The following CHLSN variants were observed in gnomAD, a reference collection of about 807,000 sequenced individuals.
The protein encoded by CHLSN is protein cholesin.
the CHLSN span, among the ~76,000 whole-genome samples, chr7:990,727 G>A: frequency 6.6e-6 from 1 of 152,102 alleles, no homozygotes; most frequent in African/African-American, 2.4e-5. Context: ...AGCGAGTGCT[G>A]GCTTCACTAT....
At chr7:1,077,329 G>A in the CHLSN span, among the ~76,000 whole-genome samples, 2 of 152,154 alleles carry the variant, frequency 1.3e-5, no homozygotes, top group African/African-American at 4.8e-5. Context: ...CTAATTTTTT[G>A]TATTTTTAGC....
At chr7:1,009,910 G>C in the CHLSN span, 2 of 1,473,536 alleles carry the variant, frequency 1.4e-6, no homozygotes, top group Non-Finnish European at 1.8e-6. Context: ...GGGTTGAGAC[G>C]CACGTCCGGG....
At chr7:987,447 G>T in the CHLSN span, 1 of 1,583,270 alleles carries the variant, frequency 6.3e-7, no homozygotes. Context: ...TGCTCCACGA[G>T]GTGCAGCGGT....
At chr7:997,922 C>T in the CHLSN span, 46 of 947,534 alleles carry the variant, frequency 4.9e-5, no homozygotes, top group Non-Finnish European at 6.1e-5. Context: ...CCTCCCACTG[C>T]GGCCCGAGGG....
chr7:1,117,861 A>G, the CHLSN span, among the ~76,000 whole-genome samples: 1 of 152,108 alleles, frequency 6.6e-6, no homozygotes, highest in Non-Finnish European at 1.5e-5. Flanking sequence ...TTTTCTAGAG[A>G]CCAGGTCTTG....
At chr7:1,008,095 C>T in the CHLSN span, among the ~76,000 whole-genome samples, 3 of 152,324 alleles carry the variant, frequency 2.0e-5, no homozygotes, top group Admixed American at 6.5e-5. Context: ...AGAACAGCCA[C>T]GCCCCGAGGC....
the CHLSN span, among the ~76,000 whole-genome samples, chr7:1,016,768 G>A: frequency 1.2e-5 from 1 of 83,052 alleles, no homozygotes; most frequent in Non-Finnish European, 2.2e-5. Context: ...CCAGCGCACA[G>A]CGCACAGCAG....
the CHLSN span, among the ~76,000 whole-genome samples, chr7:1,053,601 G>A: frequency 6.6e-6 from 1 of 152,222 alleles, no homozygotes; most frequent in East Asian, 1.9e-4. Flanking sequence ...GCCGAGGTGG[G>A]CGGATCACCT....
chr7:1,008,872 T>A, the CHLSN span, among the ~76,000 whole-genome samples: 1 of 122,786 alleles, frequency 8.1e-6, no homozygotes, highest in Non-Finnish European at 1.7e-5. Context: ...CACACACGTG[T>A]ACGCAACACT....
At chr7:1,002,794 GA>G in the CHLSN span, among the ~76,000 whole-genome samples, 2 of 82,594 alleles carry the variant, frequency 2.4e-5, no homozygotes, top group Non-Finnish European at 5.1e-5. Context: ...TCCTGTGGGT[GA>G]GTGGAGTCCT....
At chr7:1,068,316 C>T in the CHLSN span, among the ~76,000 whole-genome samples, 1 of 152,152 alleles carries the variant, frequency 6.6e-6, no homozygotes, top group Admixed American at 6.5e-5. Flanking sequence ...TGACCTTGGA[C>T]AAACCACCCC....
the CHLSN span, chr7:1,093,305 A>G: frequency 2.3e-6 from 1 of 427,214 alleles, no homozygotes; most frequent in East Asian, 7.1e-5. Context: ...CTGGAGATGC[A>G]AGGTGCTGGT....
the CHLSN span, among the ~76,000 whole-genome samples, chr7:1,114,221 T>A: frequency 6.6e-6 from 1 of 152,260 alleles, no homozygotes; most frequent in South Asian, 2.1e-4. Context: ...TGTTCCTTAC[T>A]CAAAGTGCAA....
chr7:1,104,121 A>G, the CHLSN span, among the ~76,000 whole-genome samples: 1 of 152,286 alleles, frequency 6.6e-6, no homozygotes, highest in African/African-American at 2.4e-5. Context: ...GGACCAAAGT[A>G]CCTGGGTTGA....
chr7:1,082,989 G>A, the CHLSN span, among the ~76,000 whole-genome samples: 27 of 152,354 alleles, frequency 1.8e-4, no homozygotes, highest in African/African-American at 5.5e-4. Flanking sequence ...GGCAGTGACC[G>A]AGGTGGGGCT....
At chr7:1,022,653 A>T in the CHLSN span, among the ~76,000 whole-genome samples, 4 of 152,092 alleles carry the variant, frequency 2.6e-5, no homozygotes, top group South Asian at 2.1e-4. Context: ...AACAGCATCG[A>T]TGTGGTCTTC....
chr7:1,135,868 T>TAAAA, the CHLSN span, among the ~76,000 whole-genome samples: 1 of 127,130 alleles, frequency 7.9e-6, no homozygotes, highest in African/African-American at 3.3e-5. Flanking sequence ...TATAAATATA[T>TAAAA]AAAAATATAT....
chr7:1,099,697 G>C, the CHLSN span, among the ~76,000 whole-genome samples: 1 of 152,232 alleles, frequency 6.6e-6, no homozygotes, highest in Non-Finnish European at 1.5e-5. Context: ...CTCCTGCAGA[G>C]CTTGGTTGCC....
chr7:1,092,059 G>A, the CHLSN span: 1 of 1,613,958 alleles, frequency 6.2e-7, no homozygotes, highest in Non-Finnish European at 8.5e-7. Context: ...CCTGGTGGCC[G>A]ACTCCCTCAT....
Sources: allele counts gnomAD v4.1 joint callset (sites outside exome capture counted in the v4.1 genomes callset), GRCh38; gene constraint gnomAD v4.1.1; transcripts MANE v1.5; gene names NCBI Gene and HGNC (gene_info 2026-07-23, HGNC 2026-07-21).